RIMKLB: variants seen among roughly 807,000 people sequenced by gnomAD.
RIMKLB encodes the protein ribosomal modification protein rimK like family member B.
RIMKLB carries 7 observed loss-of-function variants against 32.0 expected under a neutral mutation model. The ratio of observed to expected loss-of-function variants is 0.22; its 90% CI spans 0.12 to 0.41. The LOEUF (loss-of-function observed/expected upper bound fraction) is 0.41. RIMKLB is among the 10% of genes least tolerant of loss of function. RIMKLB has a pLI of 1.00. For missense variants in RIMKLB, 289 were observed against 498.7 expected (o/e 0.58, Z 4.00); for synonymous variants, 172 against 185.1 (o/e 0.93, Z 0.57).
At chr12:8,777,357 C>T, downstream of RIMKLB, 1 of 981,510 alleles carries the variant, frequency 1.0e-6, no homozygotes, top group Non-Finnish European at 1.2e-6. Flanking sequence ...TTCTAGTCTT[C>T]CAGGTTTAAT....
At chr12:8,683,462 C>T (rs1008380252) in intron 1 of RIMKLB, among the ~76,000 whole-genome samples, 1 of 152,148 alleles carries the variant, frequency 6.6e-6, no homozygotes. Flanking sequence ...CTAATAGGGG[C>T]ATAGTGGTAT....
At chr12:8,707,806 A>T (rs1285264940) in intron 1 of RIMKLB, among the ~76,000 whole-genome samples, 1 of 152,206 alleles carries the variant, frequency 6.6e-6, no homozygotes, top group Non-Finnish European at 1.5e-5. Flanking sequence ...GACCAAGTAT[A>T]TATTTTGTAA....
intron 1 of RIMKLB, among the ~76,000 whole-genome samples, chr12:8,707,919 T>C (rs1421152677): frequency 1.3e-5 from 2 of 152,250 alleles, no homozygotes; most frequent in Non-Finnish European, 2.9e-5. Flanking sequence ...AACAAGTCTT[T>C]AGTATTATTA....
chr12:8,772,920 C>G (rs769612463), intron 5 of RIMKLB, among the ~76,000 whole-genome samples: 23 of 152,216 alleles, frequency 1.5e-4, no homozygotes, highest in Non-Finnish European at 3.2e-4. Flanking sequence ...AGGAAGAAAA[C>G]TGTGTTCACG....
At chr12:8,714,124 G>A in intron 2 of RIMKLB, 83 bp downstream of exon 2, 1 of 1,153,468 alleles carries the variant, frequency 8.7e-7, no homozygotes, top group Non-Finnish European at 1.3e-6. Context: ...TTAGGACAGA[G>A]GAATTCTTAG....
chr12:8,724,014 A>G (rs769354367), intron 2 of RIMKLB, among the ~76,000 whole-genome samples: 2 of 146,374 alleles, frequency 1.4e-5, no homozygotes, highest in African/African-American at 5.4e-5. Context: ...TTTTGTTTTT[A>G]TGGAGTTGGG....
chr12:8,766,679 CG>C (rs1565420026), intron 5 of RIMKLB, among the ~76,000 whole-genome samples: 1 of 152,162 alleles, frequency 6.6e-6, no homozygotes, highest in Non-Finnish European at 1.5e-5. Flanking sequence ...CCTCAGTCAC[CG>C]GGAGGAACCC....
downstream of RIMKLB, among the ~76,000 whole-genome samples, chr12:8,778,259 G>A (rs1216541035): frequency 6.6e-6 from 1 of 152,076 alleles, no homozygotes; most frequent in Non-Finnish European, 1.5e-5. Context: ...TTAGGCTCTA[G>A]GTTATATATA....
intron 1 of RIMKLB, among the ~76,000 whole-genome samples, chr12:8,702,973 C>A (rs1323851413): frequency 1.3e-5 from 2 of 152,176 alleles, no homozygotes; most frequent in Non-Finnish European, 2.9e-5. Flanking sequence ...TAAGTTTCTT[C>A]TATTAAGTGA....
chr12:8,777,222 T>TC (rs1950783406), downstream of RIMKLB: 1 of 960,622 alleles, frequency 1.0e-6, no homozygotes, highest in South Asian at 4.9e-5. Flanking sequence ...TTTCTTTTTT[T>TC]TTTTTTTTTT....
At chr12:8,715,228 C>CTTTTTTTTTTTTT (rs61677474) in intron 2 of RIMKLB, among the ~76,000 whole-genome samples, 44 of 123,738 alleles carry the variant, frequency 3.6e-4, no homozygotes, top group African/African-American at 1.3e-3. Flanking sequence ...TGCTCTTGTT[C>CTTTTTTTTTTTTT]TTTTTTTTTT....
chr12:8,742,353 G>A (rs1947635384), intron 2 of RIMKLB: 1 of 187,380 alleles, frequency 5.3e-6, no homozygotes, highest in Non-Finnish European at 1.1e-5. Context: ...GAATGACACT[G>A]TCCCTTTCTA....
intron 1 of RIMKLB, among the ~76,000 whole-genome samples, chr12:8,710,883 TTTGGGAGGCCAAA>T (rs1340919159): frequency 5.3e-5 from 8 of 151,286 alleles, no homozygotes; most frequent in Admixed American, 4.0e-4. Flanking sequence ...ACCCCAGCAC[TTTGGGAGGCCAAA>T]GTGGGAGGAT....
At position 8,736,611 on chromosome 12, in the gene RIMKLB, G is replaced by T. The variant is rs150185391; in HGVS notation, c.176-13251G>T. On this transcript the variant is annotated intron_variant, in intron 2 of 5. Transcript: ENST00000535829. ...GCTCACTGCAACGTTGACCTCCCTG[G>T]GTAGGAGTATAGGTGTGTGTCATGA... Among the ~76,000 whole-genome samples, 66 of 150,582 alleles carry T rather than the reference G, an allele frequency of 4.4e-4. 2 individuals are homozygous for T. The highest frequency in any genetic ancestry group is 1.5e-3 in the African/African-American group (63 of 40,684).
chr12:8,694,012 G>A (rs1037780672), upstream of RIMKLB, among the ~76,000 whole-genome samples: 12 of 152,078 alleles, frequency 7.9e-5, no homozygotes, highest in Non-Finnish European at 1.5e-4. Flanking sequence ...GGAGGCTCAG[G>A]TGGGCGGATC....
At chr12:8,723,680 G>C (rs1272035768) in intron 2 of RIMKLB, among the ~76,000 whole-genome samples, 1 of 151,862 alleles carries the variant, frequency 6.6e-6, no homozygotes, top group Non-Finnish European at 1.5e-5. Flanking sequence ...CTCTAGATTA[G>C]GGAACTTAAA....
chr12:8,716,351 C>T (rs746076384), intron 2 of RIMKLB, among the ~76,000 whole-genome samples: 3 of 151,562 alleles, frequency 2.0e-5, no homozygotes, highest in African/African-American at 7.3e-5. Context: ...TCCATCAAAG[C>T]TGTCTTGTTA....
chr12:8,729,415 G>A (rs566258438), intron 2 of RIMKLB, among the ~76,000 whole-genome samples: 2 of 151,980 alleles, frequency 1.3e-5, no homozygotes, highest in Non-Finnish European at 1.5e-5. Flanking sequence ...CTGAAGCTGC[G>A]CTCTCGAGCT....
chr12:8,740,013 G>A (rs1168560550), intron 2 of RIMKLB, among the ~76,000 whole-genome samples: 1 of 152,100 alleles, frequency 6.6e-6, no homozygotes, highest in Non-Finnish European at 1.5e-5. Context: ...GGTTCAAGCA[G>A]TTCTGCCTTA....
Sources: allele counts gnomAD v4.1 joint callset (sites outside exome capture counted in the v4.1 genomes callset), GRCh38; gene constraint gnomAD v4.1.1; transcripts MANE v1.5; gene names NCBI Gene and HGNC (gene_info 2026-07-23, HGNC 2026-07-21).